The following ALK variants were observed in gnomAD, a reference collection of about 807,000 sequenced individuals.
ALK encodes the protein ALK receptor tyrosine kinase.
In ALK, 74 loss-of-function variants were observed where a neutral mutation model predicts 163.1. The observed-to-expected ratio is 0.45, with a 90% CI of 0.38 to 0.55. The LOEUF (loss-of-function observed/expected upper bound fraction) is 0.55, where lower values mean the gene tolerates loss of function less well. ALK is among the 20% of genes least tolerant of loss of function. ALK has a pLI of 0.00. For missense variants in ALK, 2,063 were observed against 2,105.3 expected (o/e 0.98, Z 0.39); for synonymous variants, 960 against 843.2 (o/e 1.14, Z -2.40).
In ALK at chr2:29,532,061, C is replaced by T. The variant is rs757878984; in HGVS notation, c.1008G>A (p.Pro336=). 6.9e-5 allele frequency: 111 copies of T among 1,613,852 alleles called. No homozygotes were observed. Among genetic ancestry groups the T allele is most frequent in the Non-Finnish European group, 8.7e-5 (103 of 1,180,008 alleles). ...AGTGCTCACTGCTGCTCCTCATCCA[C>T]GGACTCAGGATGGTGTGCTTGGAGT... ...SADSKHTILS[P]WMRSSSEHCT... is the part of the protein sequence containing the mutation. Residue 336 remains proline (P), a synonymous_variant, in exon 4 of 29, where the codon CCG becomes CCA. Transcript: ENST00000389048.
At chr2:29,689,761 T>C (rs1342995933) in intron 3 of ALK, among the ~76,000 whole-genome samples, 2 of 152,170 alleles carry the variant, frequency 1.3e-5, no homozygotes, top group Admixed American at 6.5e-5. Flanking sequence ...CAGAATGAGA[T>C]CATGCTGGAC....
At position 29,736,747 on chromosome 2, in the gene ALK, C is replaced by T. The variant is rs555760859; in HGVS notation, c.668-19050G>A. Among the ~76,000 whole-genome samples, 58 of 151,874 alleles carry T rather than the reference C, an allele frequency of 3.8e-4. 1 individual carries two copies. Among genetic ancestry groups the T allele is most frequent in the African/African-American group, 1.3e-3 (55 of 41,350 alleles). On this transcript the variant is annotated intron_variant, in intron 1 of 28. Coordinates refer to ENST00000389048, the MANE Select transcript of ALK (RefSeq NM_004304.5). Reference sequence around the variant, plus strand: ...ACACTTTTAAAAATCAATGACAAGACATAGAAAAAAATGCTTATTGAATTT... The same window carrying T: ...ACACTTTTAAAAATCAATGACAAGATATAGAAAAAAATGCTTATTGAATTT...
intron 4 of ALK, among the ~76,000 whole-genome samples, chr2:29,440,571 C>T (rs932984742): frequency 4.6e-5 from 7 of 152,188 alleles, no homozygotes; most frequent in African/African-American, 1.7e-4. Flanking sequence ...CCTGCCTTGG[C>T]CTCCCAAAGT....
chr2:29,646,152 AC>A (rs1676868041), intron 3 of ALK, among the ~76,000 whole-genome samples: 1 of 152,136 alleles, frequency 6.6e-6, no homozygotes, highest in Non-Finnish European at 1.5e-5. Context: ...TTCATGAGTC[AC>A]TGACACAAAC....
chr2:29,251,009 T>A, intron 12 of ALK, 96 bp downstream of exon 12: 1 of 1,340,500 alleles, frequency 7.5e-7, no homozygotes, highest in Non-Finnish European at 1.0e-6. Flanking sequence ...AACCTTGACA[T>A]GCCTGGGCAC....
intron 16 of ALK, among the ~76,000 whole-genome samples, chr2:29,228,368 G>A (rs558106329): frequency 1.3e-5 from 2 of 152,346 alleles, no homozygotes; most frequent in East Asian, 3.9e-4. Flanking sequence ...CCCAGACGAG[G>A]CAGCTGGGGT....
chr2:29,573,270 G>A (rs1280286792), intron 3 of ALK, among the ~76,000 whole-genome samples: 2 of 152,148 alleles, frequency 1.3e-5, no homozygotes, highest in Non-Finnish European at 2.9e-5. Context: ...TCATGATATA[G>A]TTATGCGTTG....
At chr2:29,864,125 C>T (rs1269712728) in intron 1 of ALK, among the ~76,000 whole-genome samples, 3 of 152,162 alleles carry the variant, frequency 2.0e-5, no homozygotes, top group African/African-American at 7.2e-5. Context: ...CTGAGATCAT[C>T]CAGCTAGTAC....
intron 9 of ALK, among the ~76,000 whole-genome samples, chr2:29,278,628 A>G (rs539383277): frequency 2.2e-4 from 34 of 152,352 alleles, no homozygotes; most frequent in Middle Eastern, 3.4e-3. Flanking sequence ...TGGGATCTCA[A>G]CTGGAAAACC....
At chr2:29,838,621 G>T (rs890055497) in intron 1 of ALK, among the ~76,000 whole-genome samples, 1 of 152,184 alleles carries the variant, frequency 6.6e-6, no homozygotes, top group African/African-American at 2.4e-5. Context: ...TCAACAATGT[G>T]TATGTATCTT....
intron 1 of ALK, among the ~76,000 whole-genome samples, chr2:29,730,626 A>C (rs1679713331): frequency 6.6e-6 from 1 of 152,232 alleles, no homozygotes; most frequent in Non-Finnish European, 1.5e-5. Context: ...GAAAACAAAG[A>C]ATCAGAGAGG....
chr2:29,408,078 G>GTT (rs1263575114), intron 4 of ALK, among the ~76,000 whole-genome samples: 6 of 137,954 alleles, frequency 4.3e-5, no homozygotes, highest in East Asian at 2.2e-4. Flanking sequence ...CTCAGGGAAA[G>GTT]TTCTTTTTCT....
chr2:29,596,767 A>C (rs1573487439), intron 3 of ALK, among the ~76,000 whole-genome samples: 1 of 152,184 alleles, frequency 6.6e-6, no homozygotes, highest in African/African-American at 2.4e-5. Flanking sequence ...TGGCCACTTG[A>C]GAATTCCCCT....
rs138732081 is a variant in ALK at position 29,662,124 on chromosome 2, C to A, written c.952+32726G>T. ...ACGGGGTTTCACAATGTTGCCCAGA[C>A]TGGTTTTGAACTCCTGAGCTCAGGC... On this transcript the variant is annotated intron_variant, in intron 3 of 28. Transcript: ENST00000389048. 8.2e-3 allele frequency among the ~76,000 whole-genome samples: 1,244 copies of A among 152,188 alleles called. 14 individuals carry two copies. Among genetic ancestry groups the A allele is most frequent in the South Asian group, 0.044 (213 of 4,814 alleles).
intron 4 of ALK, among the ~76,000 whole-genome samples, chr2:29,491,506 C>G (rs376884717): frequency 1.3e-4 from 20 of 152,260 alleles, no homozygotes; most frequent in African/African-American, 4.8e-4. Context: ...AGGGTAAGTT[C>G]AGTTCCCTGA....
intron 18 of ALK, among the ~76,000 whole-genome samples, chr2:29,226,378 T>C (rs1663993321): frequency 1.3e-5 from 2 of 148,524 alleles, no homozygotes; most frequent in African/African-American, 5.0e-5. Flanking sequence ...CTCAGGAGGC[T>C]GAGGCAGAAG....
chr2:29,367,275 T>C (rs1413050372), intron 5 of ALK, among the ~76,000 whole-genome samples: 1 of 152,114 alleles, frequency 6.6e-6, no homozygotes, highest in East Asian at 1.9e-4. Flanking sequence ...ACACAGAGAC[T>C]TTAAAGTCAT....
intron 1 of ALK, among the ~76,000 whole-genome samples, chr2:29,919,744 C>T (rs4613226): frequency 6.6e-6 from 1 of 152,144 alleles, no homozygotes; most frequent in South Asian, 2.1e-4. Context: ...GAAGAAGGCG[C>T]TCTGCCAAGA....
intron 1 of ALK, among the ~76,000 whole-genome samples, chr2:29,764,759 T>A (rs1372125557): frequency 2.0e-5 from 3 of 152,238 alleles, no homozygotes; most frequent in Non-Finnish European, 4.4e-5. Context: ...TGCTATATCA[T>A]GTTAAAATCC....
Sources: gnomAD v4.1 joint callset for allele counts (sites outside exome capture counted in the v4.1 genomes callset) on GRCh38, gnomAD v4.1.1 for gene constraint, MANE v1.5 for transcripts, NCBI Gene and HGNC (gene_info 2026-07-23, HGNC 2026-07-21) for gene names.